The following COL5A2 variants were observed in gnomAD, a reference collection of about 807,000 sequenced individuals.
COL5A2 encodes collagen type V alpha 2 chain.
COL5A2 carries 23 observed loss-of-function variants against 208.2 expected under a neutral mutation model. The observed-to-expected ratio is 0.11, with a 90% CI of 0.08 to 0.16. COL5A2 has a LOEUF of 0.16. COL5A2 is among the 10% of genes least tolerant of loss of function. The probability of loss-of-function intolerance (pLI) is 1.00; values close to 1 mark genes in which losing one functional copy is unlikely to be tolerated. For synonymous variants in COL5A2, 625 were observed against 628.5 expected (o/e 0.99, Z 0.08); for missense variants, 1,590 against 1,956.4 (o/e 0.81, Z 3.53).
the COL5A2 span, among the ~76,000 whole-genome samples, chr2:189,337,071 A>T: frequency 6.6e-6 from 1 of 152,310 alleles, no homozygotes; most frequent in South Asian, 2.1e-4. Context: ...TTTGCTCAAT[A>T]CAAGCACTAA....
chr2:189,140,821 T>C (rs1687921122), intron 1 of COL5A2, among the ~76,000 whole-genome samples: 1 of 152,178 alleles, frequency 6.6e-6, no homozygotes, highest in African/African-American at 2.4e-5. Flanking sequence ...GGCTCAGTTC[T>C]TCCAAATTAA....
chr2:189,304,221 A>G, the COL5A2 span, among the ~76,000 whole-genome samples: 1 of 152,216 alleles, frequency 6.6e-6, no homozygotes, highest in Admixed American at 6.5e-5. Context: ...ATAAGTAAAT[A>G]ATCATTTTAC....
At chr2:189,349,084 T>G in the COL5A2 span, among the ~76,000 whole-genome samples, 1 of 152,136 alleles carries the variant, frequency 6.6e-6, no homozygotes, top group African/African-American at 2.4e-5. Flanking sequence ...TAAAAACTTC[T>G]CATATTTTGG....
At chr2:189,257,664 G>C in the COL5A2 span, among the ~76,000 whole-genome samples, 3 of 152,092 alleles carry the variant, frequency 2.0e-5, no homozygotes, top group African/African-American at 7.2e-5. Flanking sequence ...CTTGGAAATA[G>C]AAAGAAAAAT....
At chr2:189,267,523 T>C in the COL5A2 span, among the ~76,000 whole-genome samples, 1 of 152,088 alleles carries the variant, frequency 6.6e-6, no homozygotes, top group Admixed American at 6.6e-5. Context: ...GCAATAAATA[T>C]AGGAATAAAA....
the COL5A2 span, among the ~76,000 whole-genome samples, chr2:189,236,519 C>T: frequency 6.6e-6 from 1 of 151,790 alleles, no homozygotes; most frequent in Non-Finnish European, 1.5e-5. Context: ...GCTAAACATC[C>T]TCTCCAACAC....
chr2:189,350,206 C>T, the COL5A2 span, among the ~76,000 whole-genome samples: 5 of 151,922 alleles, frequency 3.3e-5, no homozygotes, highest in South Asian at 6.2e-4. Flanking sequence ...TTATATTTGA[C>T]GTACATATGT....
chr2:189,038,963 A>G (rs1400068627), intron 51 of COL5A2, among the ~76,000 whole-genome samples: 1 of 152,082 alleles, frequency 6.6e-6, no homozygotes. Context: ...TGCTGGGATT[A>G]CAGGCGTGAG....
chr2:189,052,342 A>G, intron 40 of COL5A2, 117 bp from the exon 41 acceptor site: 2 of 986,360 alleles, frequency 2.0e-6, no homozygotes, highest in East Asian at 2.5e-5. Context: ...TTCATGTTGT[A>G]AGCAATATTT....
chr2:189,098,329 G>A (rs571938009), intron 5 of COL5A2, among the ~76,000 whole-genome samples: 2 of 152,308 alleles, frequency 1.3e-5, no homozygotes, highest in African/African-American at 4.8e-5. Flanking sequence ...CTCTCCTGCT[G>A]TATGATTTCT....
chr2:189,124,008 AAG>A lies in COL5A2; in HGVS notation c.98-13561_98-13560del, dbSNP rs532372196. Among the ~76,000 whole-genome samples, 10 of 152,304 alleles carry A rather than the reference AAG, an allele frequency of 6.6e-5. No individual in the cohort carries two copies. The East Asian group carries it at 1.9e-3, about 29-fold the overall frequency. The stretch of plus-strand genomic sequence containing the variant: ...CACACTCTAAATGTGGATTTTGACT[AAG>A]AGAGTGGAAAAGTGACAAATAGAGC... On this transcript the variant is annotated intron_variant, in intron 1 of 53. Coordinates refer to ENST00000374866, the MANE Select transcript of COL5A2 (RefSeq NM_000393.5).
the COL5A2 span, among the ~76,000 whole-genome samples, chr2:189,406,734 C>T: frequency 3.3e-5 from 5 of 152,020 alleles, no homozygotes; most frequent in African/African-American, 1.2e-4. Context: ...ATACAAAATG[C>T]CAAAAAGCAG....
the COL5A2 span, among the ~76,000 whole-genome samples, chr2:189,407,415 A>C: frequency 6.6e-6 from 1 of 151,888 alleles, no homozygotes; most frequent in Non-Finnish European, 1.5e-5. Context: ...AAATGTTCTT[A>C]AAACTGAGCT....
chr2:189,155,159 A>G (rs1429255055), intron 1 of COL5A2, among the ~76,000 whole-genome samples: 1 of 150,462 alleles, frequency 6.6e-6, no homozygotes, highest in East Asian at 2.0e-4. Context: ...TTTTTAAATA[A>G]TTTTTTTTTG....
chr2:189,360,515 T>C, the COL5A2 span, among the ~76,000 whole-genome samples: 1 of 152,196 alleles, frequency 6.6e-6, no homozygotes, highest in African/African-American at 2.4e-5. Context: ...AAGTATGTTA[T>C]TTAATTTTTA....
chr2:189,336,771 G>C, the COL5A2 span, among the ~76,000 whole-genome samples: 1 of 152,164 alleles, frequency 6.6e-6, no homozygotes. Context: ...ATTGGTTTGA[G>C]TGGTGACTGT....
intron 1 of COL5A2, among the ~76,000 whole-genome samples, chr2:189,191,148 A>AC (rs1553526738): frequency 1.5e-5 from 1 of 65,958 alleles, no homozygotes; most frequent in African/African-American, 3.1e-5. Context: ...CATAAAAAAA[A>AC]AAACAAAAAA....
chr2:189,229,393 G>A (rs1689453375), upstream of COL5A2, among the ~76,000 whole-genome samples: 1 of 151,102 alleles, frequency 6.6e-6, no homozygotes, highest in Admixed American at 6.6e-5. Context: ...GCATGATCTT[G>A]TATGTAGAAA....
In COL5A2 at chr2:189,049,878, G is replaced by C. The variant is rs567190298; in HGVS notation, c.3040-424C>G. Among the ~76,000 whole-genome samples, 55 of 152,202 alleles carry C rather than the reference G, an allele frequency of 3.6e-4. No individual in the cohort carries two copies. The East Asian group carries it at 0.01, about 28-fold the overall frequency. The stretch of plus-strand genomic sequence containing the variant: ...CTTGGCTCACTTCTGATAACAATAA[G>C]ACATCCCTTAGCTCCTACTTTGTTG... On this transcript the variant is annotated intron_variant, in intron 43 of 53. Transcript: ENST00000374866.
Sources: gnomAD v4.1 joint callset for allele counts (sites outside exome capture counted in the v4.1 genomes callset) on GRCh38, gnomAD v4.1.1 for gene constraint, MANE v1.5 for transcripts, NCBI Gene and HGNC (gene_info 2026-07-23, HGNC 2026-07-21) for gene names.